The following NR2C2 variants were observed in gnomAD, a reference collection of about 807,000 sequenced individuals.
NR2C2 encodes the protein nuclear receptor subfamily 2 group C member 2, also known as Nuclear hormone receptor TR4.
NR2C2 carries 6 observed loss-of-function variants against 62.9 expected under a neutral mutation model. The observed-to-expected ratio is 0.10, with a 90% CI of 0.05 to 0.19. The LOEUF is 0.19. Among genes scored for constraint, NR2C2 ranks in the 10% least tolerant of loss-of-function variants. The probability of loss-of-function intolerance (pLI) is 1.00; values close to 1 mark genes in which losing one functional copy is unlikely to be tolerated. For missense variants in NR2C2, 479 were observed against 762.7 expected, an observed-to-expected ratio of 0.63 and a Z score of 4.38; for synonymous variants, 272 against 273.8, an observed-to-expected ratio of 0.99 and a Z score of 0.07.
chr3:14,994,182 G>T (rs979902422), intron 1 of NR2C2, among the ~76,000 whole-genome samples: 3 of 152,098 alleles, frequency 2.0e-5, no homozygotes, highest in African/African-American at 2.4e-5. Context: ...ACTCATCTGC[G>T]TACTGATTTT....
At chr3:15,006,412 A>G (rs1406677576) in intron 2 of NR2C2, among the ~76,000 whole-genome samples, 1 of 152,080 alleles carries the variant, frequency 6.6e-6, no homozygotes, top group Non-Finnish European at 1.5e-5. Context: ...GACCTATCTT[A>G]TAAACTTTAT....
At chr3:14,957,849 C>A (rs1013088551) in intron 1 of NR2C2, among the ~76,000 whole-genome samples, 1 of 151,942 alleles carries the variant, frequency 6.6e-6, no homozygotes, top group Non-Finnish European at 1.5e-5. Context: ...ATTTTTCTGC[C>A]AAACTCCTGA....
chr3:14,951,592 A>G (rs1323897220), intron 1 of NR2C2, among the ~76,000 whole-genome samples: 5 of 152,152 alleles, frequency 3.3e-5, no homozygotes, highest in Admixed American at 3.3e-4. Flanking sequence ...TAGTTTAGTA[A>G]AACAGCTATA....
chr3:14,960,616 A>G (rs991958028), intron 1 of NR2C2, among the ~76,000 whole-genome samples: 2 of 152,230 alleles, frequency 1.3e-5, no homozygotes, highest in Non-Finnish European at 2.9e-5. Context: ...TTTCCTAACA[A>G]TATTCCTGTA....
chr3:14,963,069 A>G (rs909740665), intron 1 of NR2C2, among the ~76,000 whole-genome samples: 3 of 152,202 alleles, frequency 2.0e-5, no homozygotes, highest in Non-Finnish European at 2.9e-5. Context: ...GTCAGACCCA[A>G]GTAAGTGGGG....
chr3:15,013,526 C>G, intron 2 of NR2C2, 63 bp from the exon 3 acceptor site: 1 of 1,477,722 alleles, frequency 6.8e-7, no homozygotes, highest in Admixed American at 1.8e-5. Flanking sequence ...CTTTGAGCAC[C>G]ACCTGCAAAT....
intron 4 of NR2C2, among the ~76,000 whole-genome samples, chr3:15,016,575 G>C (rs147440462): frequency 1.3e-5 from 2 of 152,264 alleles, no homozygotes; most frequent in African/African-American, 4.8e-5. Context: ...TATTTTACAA[G>C]GTGTATAATT....
intron 9 of NR2C2, 133 bp from the exon 10 acceptor site, chr3:15,032,246 G>A: frequency 8.1e-7 from 1 of 1,237,042 alleles, no homozygotes; most frequent in Non-Finnish European, 1.2e-6. Flanking sequence ...CCCCCCGACT[G>A]CATGGGACTT....
intron 1 of NR2C2, among the ~76,000 whole-genome samples, chr3:14,951,094 TTA>T (rs1053873112): frequency 6.6e-6 from 1 of 152,196 alleles, no homozygotes; most frequent in African/African-American, 2.4e-5. Flanking sequence ...CAAACATAAC[TTA>T]TGTTATTTAC....
intron 4 of NR2C2, among the ~76,000 whole-genome samples, chr3:15,018,125 A>G (rs1191456516): frequency 2.0e-5 from 3 of 152,108 alleles, no homozygotes; most frequent in Non-Finnish European, 4.4e-5. Context: ...CAGCCTCCCA[A>G]GTAGCTGGGA....
intron 1 of NR2C2, among the ~76,000 whole-genome samples, chr3:14,949,378 C>A (rs370076999): frequency 1.3e-5 from 2 of 152,214 alleles, no homozygotes; most frequent in African/African-American, 2.4e-5. Context: ...TGTAACGGCC[C>A]TGGAGGAAGA....
At chr3:14,956,784 G>T (rs374822631) in intron 1 of NR2C2, among the ~76,000 whole-genome samples, 352 of 152,268 alleles carry the variant, frequency 2.3e-3, no homozygotes, top group African/African-American at 8.0e-3. Context: ...CAGGTGATCC[G>T]CCTGCCTTGG....
At chr3:14,980,432 G>A (rs2040333925) in intron 1 of NR2C2, among the ~76,000 whole-genome samples, 1 of 152,084 alleles carries the variant, frequency 6.6e-6, no homozygotes, top group Non-Finnish European at 1.5e-5. Flanking sequence ...CAAAGTGTTA[G>A]GATTATAGGT....
At position 14,984,423 on chromosome 3, in the gene NR2C2, T is replaced by C. The variant is rs140262002; in HGVS notation, c.-39-19453T>C. Among the ~76,000 whole-genome samples, 726 of 152,328 alleles carry C rather than the reference T, an allele frequency of 4.8e-3. 2 individuals carry two copies. The highest frequency in any genetic ancestry group is 0.017 in the African/African-American group (693 of 41,578). On this transcript the variant is annotated intron_variant, in intron 1 of 13. Transcript: ENST00000425241. ...ATTGATATCTCAGCCTTTCTTCTTT[T>C]CTAATATAAGCATTAGGCTGTATAT...
intron 10 of NR2C2, among the ~76,000 whole-genome samples, chr3:15,032,872 GT>G (rs2042014721): frequency 6.6e-6 from 1 of 152,104 alleles, no homozygotes; most frequent in Admixed American, 6.5e-5. Flanking sequence ...TGAATCAGCT[GT>G]TTCCTCAAAC....
chr3:14,989,307 G>T (rs145379241), intron 1 of NR2C2, among the ~76,000 whole-genome samples: 2 of 152,090 alleles, frequency 1.3e-5, no homozygotes, highest in Admixed American at 6.6e-5. Flanking sequence ...CTACATTTGC[G>T]TATCTTCCTG....
Position 14,947,862 on chromosome 3 carries a change from A to T in NR2C2, c.-84A>T, listed in dbSNP as rs1285114022. The T allele has an allele frequency of 6.8e-6, 1 of 147,900 alleles. No homozygotes were observed. Among genetic ancestry groups the T allele is most frequent in the African/African-American group, 2.5e-5 (1 of 40,306 alleles). 9.2% of individuals were successfully genotyped at this position (147,900 alleles called of 1,614,324 possible). On this transcript the variant is annotated 5_prime_UTR_variant, in exon 1 of 14. Coordinates refer to ENST00000425241, the MANE Select transcript of NR2C2 (RefSeq NM_001291694.2). ...CTCCGCGCCGGGGGCCGCCCGCCGCAGACACGGGACCCGCTTCGAGGCCGC... is the reference window on the plus strand; with the variant it reads ...CTCCGCGCCGGGGGCCGCCCGCCGCTGACACGGGACCCGCTTCGAGGCCGC...
chr3:14,976,394 T>C (rs1359186922), intron 1 of NR2C2, among the ~76,000 whole-genome samples: 1 of 152,166 alleles, frequency 6.6e-6, no homozygotes, highest in East Asian at 1.9e-4. Context: ...TCCAACATAG[T>C]TGTAAAACTC....
intron 4 of NR2C2, among the ~76,000 whole-genome samples, chr3:15,018,096 T>G (rs1350845417): frequency 6.6e-6 from 1 of 152,152 alleles, no homozygotes; most frequent in East Asian, 1.9e-4. Context: ...CCTCCCAGAT[T>G]CAAGCAATTC....
Sources: gnomAD v4.1 joint callset for allele counts (sites outside exome capture counted in the v4.1 genomes callset) on GRCh38, gnomAD v4.1.1 for gene constraint, MANE v1.5 for transcripts, NCBI Gene and HGNC (gene_info 2026-07-23, HGNC 2026-07-21) for gene names.